CCNY: variants seen among roughly 807,000 people sequenced by gnomAD.
The protein encoded by CCNY is cyclin Y.
In CCNY, 19 loss-of-function variants were observed where a neutral mutation model predicts 42.8. That is an observed-to-expected ratio of 0.44 (90% CI 0.31 to 0.65). The LOEUF is 0.65. Among genes scored for constraint, CCNY ranks in the 30% least tolerant of loss-of-function variants. CCNY has a pLI of 0.07. For synonymous variants in CCNY, 165 were observed against 162.7 expected (o/e 1.01, Z -0.11); for missense variants, 370 against 437.3 (o/e 0.85, Z 1.37).
chr10:35,360,713 G>T (rs1836666197), intron 1 of CCNY, among the ~76,000 whole-genome samples: 3 of 151,824 alleles, frequency 2.0e-5, no homozygotes, highest in Admixed American at 6.6e-5. Context: ...TTTTACATTA[G>T]TATTTTAATA....
At chr10:35,269,194 T>C (rs2095728626) in intron 3 of CCNY, among the ~76,000 whole-genome samples, 2 of 152,192 alleles carry the variant, frequency 1.3e-5, no homozygotes, top group African/African-American at 4.8e-5. Context: ...CCTTCTGGCA[T>C]TTTACTATAA....
intron 1 of CCNY, among the ~76,000 whole-genome samples, chr10:35,381,721 AG>A (rs1211476184): frequency 2.0e-5 from 3 of 152,244 alleles, no homozygotes; most frequent in African/African-American, 7.2e-5. Context: ...AAGCTTGCTT[AG>A]GACAGTCTTG....
At chr10:35,505,145 C>T (rs1589165100) in intron 3 of CCNY, among the ~76,000 whole-genome samples, 1 of 148,198 alleles carries the variant, frequency 6.7e-6, no homozygotes, top group African/African-American at 2.5e-5. Context: ...TTAAGAATCA[C>T]TCCTGAAAAA....
At chr10:35,518,454 G>A (rs1840473704) in intron 4 of CCNY, among the ~76,000 whole-genome samples, 1 of 151,696 alleles carries the variant, frequency 6.6e-6, no homozygotes, top group African/African-American at 2.4e-5. Context: ...ATTTTTAACA[G>A]CTCTTGATTG....
At chr10:35,486,440 C>A (rs572544386) in intron 2 of CCNY, among the ~76,000 whole-genome samples, 1 of 152,298 alleles carries the variant, frequency 6.6e-6, no homozygotes, top group African/African-American at 2.4e-5. Context: ...CCACTATTTC[C>A]TATTGCAGTT....
intron 1 of CCNY, among the ~76,000 whole-genome samples, chr10:35,372,074 C>A (rs1836949303): frequency 6.6e-6 from 1 of 152,176 alleles, no homozygotes; most frequent in Non-Finnish European, 1.5e-5. Flanking sequence ...TTTATATTTA[C>A]ATTTTCCTGC....
chr10:35,494,007 A>T (rs556026239), intron 2 of CCNY, among the ~76,000 whole-genome samples: 1 of 152,290 alleles, frequency 6.6e-6, no homozygotes, highest in African/African-American at 2.4e-5. Context: ...AGGAGAAGGG[A>T]TGGATACCAG....
chr10:35,373,949 A>G (rs1376909500), intron 1 of CCNY, among the ~76,000 whole-genome samples: 2 of 152,208 alleles, frequency 1.3e-5, no homozygotes, highest in Non-Finnish European at 2.9e-5. Flanking sequence ...GCCCCATACA[A>G]ATAACTTTTT....
At position 35,337,216 on chromosome 10, in the gene CCNY, G is replaced by A; in HGVS notation, c.154+9G>A. On this transcript the variant is annotated intron_variant, in intron 1 of 9. Transcript: ENST00000374704. ...CCGGGAGAACATAGACGGTGAGTGC[G>A]GCCCGCCGAGCCCCCTACCCGCCCC... 6.6e-7 allele frequency: 1 copy of A among 1,518,396 alleles called. No homozygotes were observed. Among genetic ancestry groups the A allele is most frequent in the Non-Finnish European group, 8.8e-7 (1 of 1,130,164 alleles). 94.1% of individuals were successfully genotyped at this position (1,518,396 alleles called of 1,614,324 possible).
At chr10:35,457,292 A>G (rs1011381916) in intron 1 of CCNY, among the ~76,000 whole-genome samples, 1 of 152,196 alleles carries the variant, frequency 6.6e-6, no homozygotes, top group Non-Finnish European at 1.5e-5. Flanking sequence ...CCCTCATTAA[A>G]GTCTCCGCAG....
At chr10:35,366,473 T>A (rs1376889158) in intron 1 of CCNY, among the ~76,000 whole-genome samples, 2 of 152,226 alleles carry the variant, frequency 1.3e-5, no homozygotes, top group African/African-American at 4.8e-5. Context: ...TATTTGCAGA[T>A]TTCAACTTTA....
chr10:35,279,169 G>A (rs916939437), intron 3 of CCNY, among the ~76,000 whole-genome samples: 4 of 144,664 alleles, frequency 2.8e-5, no homozygotes, highest in African/African-American at 1.0e-4. Flanking sequence ...AGGCTGGAGT[G>A]CAGTGGCACA....
chr10:35,267,874 T>C lies in CCNY; in HGVS notation c.-9+17248T>C, dbSNP rs117673224. Among the ~76,000 whole-genome samples, 88 of 152,280 alleles carry C rather than the reference T, an allele frequency of 5.8e-4. 1 individual carries two copies. In the East Asian group the frequency reaches 0.013, roughly 22 times the overall value. On this transcript the variant is annotated intron_variant, in intron 3 of 11. Transcript: ENST00000374706. The stretch of plus-strand genomic sequence containing the variant: ...CCCATAGCTGAAAAAGTAAGAATTA[T>C]TTTTGAGATGGGGTGTTGTTGATGG...
chr10:35,355,361 G>C (rs1836521256), intron 1 of CCNY, among the ~76,000 whole-genome samples: 1 of 152,052 alleles, frequency 6.6e-6, no homozygotes, highest in African/African-American at 2.4e-5. Flanking sequence ...TAAAGTTAAG[G>C]CTAAGTTAGG....
chr10:35,351,235 G>A (rs1836423537), intron 1 of CCNY, among the ~76,000 whole-genome samples: 1 of 152,234 alleles, frequency 6.6e-6, no homozygotes, highest in South Asian at 2.1e-4. Context: ...AACCAATCAG[G>A]AAGATTATTT....
At chr10:35,288,652 T>C (rs1324607426) in intron 3 of CCNY, among the ~76,000 whole-genome samples, 3 of 152,216 alleles carry the variant, frequency 2.0e-5, no homozygotes, top group Admixed American at 6.5e-5. Flanking sequence ...CAGTTTTGTG[T>C]GTTTAGTGAC....
intron 3 of CCNY, among the ~76,000 whole-genome samples, chr10:35,258,421 G>A (rs1003848464): frequency 5.9e-5 from 9 of 152,092 alleles, no homozygotes; most frequent in African/African-American, 2.2e-4. Context: ...CTCCCAAGGG[G>A]GAAAGAAAGA....
chr10:35,401,428 C>T (rs1401436360), intron 1 of CCNY, among the ~76,000 whole-genome samples: 2 of 152,220 alleles, frequency 1.3e-5, no homozygotes, highest in Admixed American at 6.5e-5. Flanking sequence ...GATTATCTGC[C>T]AGTTTCCTTC....
chr10:35,253,929 G>A (rs576686416), intron 3 of CCNY, among the ~76,000 whole-genome samples: 28 of 148,832 alleles, frequency 1.9e-4, no homozygotes, highest in Non-Finnish European at 1.5e-4. Context: ...AGGCTGGAGT[G>A]TAGTGGTGTG....
Sources: allele counts gnomAD v4.1 joint callset (sites outside exome capture counted in the v4.1 genomes callset), GRCh38; gene constraint gnomAD v4.1.1; transcripts MANE v1.5; gene names NCBI Gene and HGNC (gene_info 2026-07-23, HGNC 2026-07-21).